The following PEX19 variants were observed in gnomAD, a reference collection of about 807,000 sequenced individuals.
The protein encoded by PEX19 is peroxisomal biogenesis factor 19.
In PEX19, 29 loss-of-function variants were observed where a neutral mutation model predicts 36.3. The observed-to-expected ratio is 0.80, with a 90% CI of 0.60 to 1.09. The LOEUF (loss-of-function observed/expected upper bound fraction) is 1.09, where lower values mean the gene tolerates loss of function less well. Ranked by LOEUF, PEX19 falls within the 50% of genes least tolerant of loss-of-function variation. The pLI, the probability that PEX19 is intolerant of heterozygous loss-of-function variation, is 0.00. For missense variants in PEX19, 396 were observed against 368.1 expected (o/e 1.08, Z -0.62); for synonymous variants, 141 against 135.2 (o/e 1.04, Z -0.30).
rs1209374584 is a variant in PEX19 at position 160,278,029 on chromosome 1, G to A, written c.*1522C>T. The A allele has an allele frequency of 1.4e-6, 1 of 700,884 alleles. No individual in the cohort carries two copies. 43.4% of individuals were successfully genotyped at this position (700,884 alleles called of 1,614,324 possible). A position where few individuals can be genotyped will look rare whatever the true frequency, so the allele number is the denominator to read the frequency against. The stretch of plus-strand genomic sequence containing the variant: ...GTTTTAACCTCGGGGCAAGTGACAT[G>A]TCAGAAGCTCAAAGCGACTCATAAT... On this transcript the variant is annotated 3_prime_UTR_variant, in exon 8 of 8. Coordinates refer to ENST00000368072, the MANE Select transcript of PEX19 (RefSeq NM_002857.4).
rs867051310 is a variant in PEX19 at position 160,282,150 on chromosome 1, G to A, written c.483C>T (p.Gly161=). 1.9e-6 allele frequency: 3 copies of A among 1,613,956 alleles called. No homozygotes were observed. The highest frequency in any genetic ancestry group is 2.2e-5 in the East Asian group (1 of 44,896). Residue 161 remains glycine (G), a synonymous_variant, in exon 5 of 8, where the codon GGC becomes GGT. Coordinates refer to ENST00000368072, the MANE Select transcript of PEX19 (RefSeq NM_002857.4). ...EELTKAMEGL[G]MDEGDGEGNI... is the part of the protein sequence containing the mutation. ...TCCCTTCCCCATCCCCTTCGTCCAT[G>A]CCTAGCCCCTCCATGGCCTTGGTCA...
intron 1 of PEX19, 81 bp downstream of exon 1, chr1:160,284,974 C>G: frequency 9.5e-7 from 1 of 1,049,834 alleles, no homozygotes; most frequent in Non-Finnish European, 1.5e-6. Context: ...CTGCCCGTCC[C>G]TAATATCTCA....
At chr1:160,284,440 T>C (rs1403143376) in intron 1 of PEX19, among the ~76,000 whole-genome samples, 1 of 152,110 alleles carries the variant, frequency 6.6e-6, no homozygotes, top group Non-Finnish European at 1.5e-5. Flanking sequence ...TGGAGAGTAA[T>C]GCTAAGAAAA....
At position 160,285,132 on chromosome 1, in the gene PEX19, C is replaced by T; in HGVS notation, c.-8G>A. The T allele has an allele frequency of 6.2e-7, 1 of 1,612,256 alleles. No individual in the cohort carries two copies. Among genetic ancestry groups the T allele is most frequent in the Non-Finnish European group, 8.5e-7 (1 of 1,178,416 alleles). ...TTCCTCAGCGGCGGCCATCTTGCTA[C>T]CTCCGACTTGCCGTAGGAGGCGGGA... On this transcript the variant is annotated 5_prime_UTR_variant, in exon 1 of 8. Transcript: ENST00000368072.
chr1:160,277,961 T>A lies in PEX19; in HGVS notation c.*1590A>T, dbSNP rs1434283866. On this transcript the variant is annotated 3_prime_UTR_variant, in exon 8 of 8. Transcript: ENST00000368072. ...TGAGACCTTGAGAACATTTCCTTCC[T>A]CACCAATACCATAAAACATGTAAGG... is the stretch of plus-strand genomic sequence containing the variant. 1 of 695,794 alleles carries A rather than the reference T, an allele frequency of 1.4e-6. No homozygotes were observed. The highest frequency in any genetic ancestry group is 2.6e-6 in the Non-Finnish European group (1 of 381,928). The allele number at this position is 695,794 out of a possible 1,614,324, so 43.1% of individuals were successfully genotyped here. A position where few individuals can be genotyped will look rare whatever the true frequency, so the allele number is the denominator to read the frequency against.
chr1:160,280,007 G>T, intron 6 of PEX19, 63 bp downstream of exon 6: 1 of 1,517,196 alleles, frequency 6.6e-7, no homozygotes. Flanking sequence ...ATCCTTCCCA[G>T]ATACTTCCTT....
intron 1 of PEX19, chr1:160,284,075 A>G (rs1367845240): frequency 2.1e-6 from 1 of 471,862 alleles, no homozygotes; most frequent in Non-Finnish European, 4.4e-6. Context: ...AGCACAGGAC[A>G]TCCCACCCAG....
intron 3 of PEX19, 194 bp downstream of exon 3, chr1:160,282,750 G>A: frequency 2.8e-6 from 2 of 707,638 alleles, no homozygotes; most frequent in Non-Finnish European, 4.9e-6. Flanking sequence ...TTTGAATAAT[G>A]TTTTCTATTA....
Position 160,278,655 on chromosome 1 carries a change from T to C in PEX19, c.*896A>G, listed in dbSNP as rs886045445. On this transcript the variant is annotated 3_prime_UTR_variant, in exon 8 of 8. Coordinates refer to ENST00000368072, the MANE Select transcript of PEX19 (RefSeq NM_002857.4). ...ATCTGGGGAAGAATAGCCATTAATT[T>C]CCTAGACCTGACACTGGGTTTATTT... 1.3e-5 allele frequency: 6 copies of C among 454,134 alleles called. No homozygotes were observed. The highest frequency in any genetic ancestry group is 2.2e-5 in the Non-Finnish European group (5 of 226,912). 28.1% of individuals were successfully genotyped at this position (454,134 alleles called of 1,614,324 possible).
rs770134866 is a variant in PEX19 at position 160,282,454 on chromosome 1, G to C, written c.395C>G (p.Thr132Arg). 1.2e-6 allele frequency: 2 copies of C among 1,613,966 alleles called. No individual in the cohort carries two copies. Among genetic ancestry groups the C allele is most frequent in the Admixed American group, 3.3e-5 (2 of 60,004 alleles). The change falls in exon 4 of 8, where the codon ACA becomes AGA. Residue 132 changes from threonine to arginine, a missense_variant. Coordinates refer to ENST00000368072, the MANE Select transcript of PEX19 (RefSeq NM_002857.4). The stretch of plus-strand genomic sequence containing the variant: ...GGCATTTTTGGCTAATCCACTTAGT[G>C]TTTCCTTTAGGCAAGAAGTGAATTC... ...QQEFTSCLKE[T>R]LSGLAKNATD...
Position 160,277,361 on chromosome 1 carries a change from C to A in PEX19, c.*2190G>T, listed in dbSNP as rs543067369. 2 of 455,944 alleles carry A rather than the reference C, an allele frequency of 4.4e-6. No individual in the cohort carries two copies. The highest frequency in any genetic ancestry group is 8.8e-6 in the Non-Finnish European group (2 of 226,806). 28.2% of individuals were successfully genotyped at this position (455,944 alleles called of 1,614,324 possible). On this transcript the variant is annotated 3_prime_UTR_variant, in exon 8 of 8. Coordinates refer to ENST00000368072, the MANE Select transcript of PEX19 (RefSeq NM_002857.4). ...TTGGGTGCTGTCAAACTTGCCGGGT[C>A]GGCAGCACACAGTGTGAACTCCATA...
rs2101796541 is a variant in PEX19 at position 160,278,097 on chromosome 1, C to T, written c.*1454G>A. 2.8e-6 allele frequency: 2 copies of T among 702,486 alleles called. No individual in the cohort carries two copies. The highest frequency in any genetic ancestry group is 3.0e-5 in the South Asian group (2 of 67,606). The allele number at this position is 702,486 out of a possible 1,614,324, so 43.5% of individuals were successfully genotyped here. A position where few individuals can be genotyped will look rare whatever the true frequency, so the allele number is the denominator to read the frequency against. Reference sequence around the variant, plus strand: ...GGAGAGACTTATCTTCTGAGTGAACCAGGACAGCCAGCTGAGCTGACCAGA... The same window carrying T: ...GGAGAGACTTATCTTCTGAGTGAACTAGGACAGCCAGCTGAGCTGACCAGA... On this transcript the variant is annotated 3_prime_UTR_variant, in exon 8 of 8. Transcript: ENST00000368072.
Position 160,285,102 on chromosome 1 carries a change from C to G in PEX19, c.23G>C (p.Cys8Ser). ...CCTGTCCGCTTCGGCCCCGACACTA[C>G]AGCCTTCCTCAGCGGCGGCCATCTT... MAAAEEG[C>S]SVGAEADREL... The change falls in exon 1 of 8, where the codon TGT becomes TCT. Residue 8 changes from cysteine to serine, a missense_variant. Transcript: ENST00000368072. The G allele has an allele frequency of 6.2e-7, 1 of 1,613,980 alleles. No individual in the cohort carries two copies. Among genetic ancestry groups the G allele is most frequent in the East Asian group, 2.2e-5 (1 of 44,882 alleles).
At chr1:160,283,483 C>A (rs370924219) in intron 2 of PEX19, 47 bp downstream of exon 2, 8 of 1,380,308 alleles carry the variant, frequency 5.8e-6, no homozygotes, top group African/African-American at 1.4e-5. Flanking sequence ...CTGCTCAGGG[C>A]TGCATGCCCA....
Position 160,283,517 on chromosome 1 carries a change from G to A in PEX19, c.180+13C>T. 1 of 1,572,072 alleles carries A rather than the reference G, an allele frequency of 6.4e-7. No individual in the cohort carries two copies. The highest frequency in any genetic ancestry group is 8.8e-7 in the Non-Finnish European group (1 of 1,141,812). ...CATCCCCTCCCCATCCCTTAAGGGG[G>A]TGGAATTTATACTTTGGCAGTGTCT... On this transcript the variant is annotated intron_variant, in intron 2 of 7. Coordinates refer to ENST00000368072, the MANE Select transcript of PEX19 (RefSeq NM_002857.4).
At chr1:160,283,224 C>A in intron 2 of PEX19, 115 bp from the exon 3 acceptor site, 1 of 1,120,362 alleles carries the variant, frequency 8.9e-7, no homozygotes, top group South Asian at 1.2e-5. Flanking sequence ...CTACCCAATT[C>A]CACTGGACAT....
rs1657599444 is a variant in PEX19, at chr1:160,277,780, G to C, written c.*1771C>G. ...TATCCTTGTCCAGTTTTTGGCTGGAGCTTTAAGGAGAAAATAGTGACACTG... is the reference window on the plus strand; with the variant it reads ...TATCCTTGTCCAGTTTTTGGCTGGACCTTTAAGGAGAAAATAGTGACACTG... On this transcript the variant is annotated 3_prime_UTR_variant, in exon 8 of 8. Coordinates refer to ENST00000368072, the MANE Select transcript of PEX19 (RefSeq NM_002857.4). 2 of 482,186 alleles carry C rather than the reference G, an allele frequency of 4.1e-6. No individual in the cohort carries two copies. The highest frequency in any genetic ancestry group is 3.1e-5 in the South Asian group (2 of 64,758). The allele number at this position is 482,186 out of a possible 1,614,324, so 29.9% of individuals were successfully genotyped here. A position where few individuals can be genotyped will look rare whatever the true frequency, so the allele number is the denominator to read the frequency against.
chr1:160,284,128 T>C (rs1480902966), intron 1 of PEX19: 1 of 471,830 alleles, frequency 2.1e-6, no homozygotes, highest in South Asian at 1.5e-5. Context: ...AGGGACTACA[T>C]ACCAGACTCC....
chr1:160,284,914 G>T (rs1275255462), intron 1 of PEX19, 141 bp downstream of exon 1: 2 of 739,014 alleles, frequency 2.7e-6, no homozygotes, highest in East Asian at 5.3e-5. Flanking sequence ...ATTTTTGGGG[G>T]GCTCGGGGGT....
Sources: allele counts gnomAD v4.1 joint callset (sites outside exome capture counted in the v4.1 genomes callset), GRCh38; gene constraint gnomAD v4.1.1; transcripts MANE v1.5; gene names NCBI Gene and HGNC (gene_info 2026-07-23, HGNC 2026-07-21).